Variants in IRAK2 observed in about 807,000 individuals in gnomAD.
IRAK2 encodes the protein interleukin 1 receptor associated kinase 2, also known as interleukin-1 receptor-associated kinase-like 2.
In IRAK2, 57 loss-of-function variants were observed where a neutral mutation model predicts 72.0. That is an observed-to-expected ratio of 0.79 (90% CI 0.64 to 0.99). The LOEUF (loss-of-function observed/expected upper bound fraction) is 0.99. Ranked by LOEUF, IRAK2 falls within the 50% of genes least tolerant of loss-of-function variation. The pLI, the probability that IRAK2 is intolerant of heterozygous loss-of-function variation, is 0.00. For synonymous variants in IRAK2, 293 were observed against 312.7 expected (o/e 0.94, Z 0.67); for missense variants, 790 against 794.4 (o/e 0.99, Z 0.07).
chr3:10,232,475 T>G (rs892483234), intron 10 of IRAK2, among the ~76,000 whole-genome samples: 3 of 152,118 alleles, frequency 2.0e-5, no homozygotes, highest in Non-Finnish European at 4.4e-5. Context: ...TGTGTTAAGG[T>G]TTTAGTGCTA....
chr3:10,220,185 C>A (rs1697666731), intron 8 of IRAK2, among the ~76,000 whole-genome samples: 1 of 152,202 alleles, frequency 6.6e-6, no homozygotes. Context: ...TTTTCTGAGA[C>A]CTGTCCCCTT....
At chr3:10,187,705 T>C (rs962837064) in intron 2 of IRAK2, among the ~76,000 whole-genome samples, 3 of 152,248 alleles carry the variant, frequency 2.0e-5, no homozygotes, top group African/African-American at 7.2e-5. Context: ...ATTTAGGCTA[T>C]TGTTTCCCAT....
chr3:10,212,827 C>G (rs559459597), intron 4 of IRAK2, among the ~76,000 whole-genome samples: 2 of 147,362 alleles, frequency 1.4e-5, no homozygotes, highest in Non-Finnish European at 3.0e-5. Context: ...TGCAGTGGCG[C>G]GATCTCGGCT....
chr3:10,167,496 G>C (rs547140715), intron 1 of IRAK2, among the ~76,000 whole-genome samples: 4 of 151,506 alleles, frequency 2.6e-5, no homozygotes, highest in Non-Finnish European at 4.4e-5. Flanking sequence ...CTCACTGCAA[G>C]CTCCACCTCC....
At chr3:10,205,202 A>G (rs151146530) in intron 3 of IRAK2, among the ~76,000 whole-genome samples, 130 of 152,230 alleles carry the variant, frequency 8.5e-4, no homozygotes, top group African/African-American at 3.0e-3. Flanking sequence ...GCCCTTGGAC[A>G]TACAGTGGGG....
rs754448443 is a variant in IRAK2 at position 10,234,623 on chromosome 3, C to A, written c.1437C>A (p.Cys479Ter). 6.2e-7 allele frequency: 1 copy of A among 1,613,324 alleles called. No individual in the cohort carries two copies. The highest frequency in any genetic ancestry group is 1.1e-5 in the South Asian group (1 of 91,074). The change falls in exon 11 of 13, where the codon TGC becomes TGA. Residue 479 changes from cysteine (C) to a stop codon, truncating the protein, a stop_gained. Transcript: ENST00000256458. LOFTEE classifies it high-confidence loss of function. The part of the protein sequence containing the change: ...DCAEALATAA[C>*]LCLRRRNTSL... Reference sequence around the variant, plus strand: ...CCGAGGCCCTGGCCACGGCTGCCTGCCTGTGCCTGCGGAGGCGTAACACCA... The same window carrying A: ...CCGAGGCCCTGGCCACGGCTGCCTGACTGTGCCTGCGGAGGCGTAACACCA...
intron 2 of IRAK2, among the ~76,000 whole-genome samples, chr3:10,195,583 A>C (rs966044443): frequency 6.6e-6 from 1 of 151,734 alleles, no homozygotes; most frequent in African/African-American, 2.4e-5. Context: ...ACTGAAGTTA[A>C]GTAAGGCTGT....
At chr3:10,240,694 G>C (rs1233449070) in intron 12 of IRAK2, among the ~76,000 whole-genome samples, 1 of 150,368 alleles carries the variant, frequency 6.7e-6, no homozygotes, top group African/African-American at 2.5e-5. Flanking sequence ...CGAGTAGCTG[G>C]GATTACAGGC....
intron 12 of IRAK2, 100 bp from the exon 13 acceptor site, chr3:10,242,016 T>A: frequency 1.4e-5 from 9 of 635,336 alleles, no homozygotes; most frequent in Non-Finnish European, 2.2e-5. Context: ...CTCATTACAC[T>A]CAGGGCCTGA....
At chr3:10,206,202 T>A (rs1324033592) in intron 3 of IRAK2, among the ~76,000 whole-genome samples, 3 of 152,172 alleles carry the variant, frequency 2.0e-5, no homozygotes, top group Non-Finnish European at 4.4e-5. Context: ...AGGCAGACTC[T>A]CCAGGGTGTC....
Position 10,239,025 on chromosome 3 carries a change from A to G in IRAK2, c.1751A>G (p.Glu584Gly). 1.9e-6 allele frequency: 3 copies of G among 1,603,346 alleles called. No individual in the cohort carries two copies. The highest frequency in any genetic ancestry group is 2.6e-6 in the Non-Finnish European group (3 of 1,174,280). The change falls in exon 12 of 13, where the codon GAG becomes GGG. Residue 584 changes from glutamate to glycine, a missense_variant. Glu to Gly is a moderately conservative substitution (Grantham distance 98). Transcript: ENST00000256458. ...DSSSEACVGL[E>G]PPQDVTETSW... ...TCCTCTGAGGCCTGTGTTGGCCTGG[A>G]GCCTCCCCAGGATGGTAAGCCGGAA...
At chr3:10,231,998 G>A (rs866919270) in intron 10 of IRAK2, among the ~76,000 whole-genome samples, 6 of 152,208 alleles carry the variant, frequency 3.9e-5, no homozygotes, top group Admixed American at 2.0e-4. Context: ...ATGGTGGCGG[G>A]TGCCTGTAGT....
chr3:10,221,664 C>T (rs1697695670), intron 8 of IRAK2, among the ~76,000 whole-genome samples: 1 of 151,778 alleles, frequency 6.6e-6, no homozygotes, highest in African/African-American at 2.4e-5. Flanking sequence ...GTAGCTGGGA[C>T]CACAGGCACG....
chr3:10,190,462 T>C (rs1697158520), intron 2 of IRAK2, among the ~76,000 whole-genome samples: 1 of 151,658 alleles, frequency 6.6e-6, no homozygotes, highest in Non-Finnish European at 1.5e-5. Context: ...TTTCTTAAAG[T>C]TAATTGCTGA....
In IRAK2 at chr3:10,241,938, A is replaced by G. The variant is rs534855493; in HGVS notation, c.1766-178A>G. The stretch of plus-strand genomic sequence containing the variant: ...CCTTGAGCTGAAATTGTGCCACTGC[A>G]CTCCAGCCTGGGCAACAAAGTGAGA... On this transcript the variant is annotated intron_variant, in intron 12 of 12. Transcript: ENST00000256458. 8.1e-5 allele frequency among the ~76,000 whole-genome samples: 12 copies of G among 148,850 alleles called. 1 individual carries two copies. The South Asian group carries it at 1.9e-3, about 24-fold the overall frequency.
At chr3:10,202,735 AG>A (rs1427035413) in intron 3 of IRAK2, among the ~76,000 whole-genome samples, 3 of 117,624 alleles carry the variant, frequency 2.6e-5, no homozygotes, top group African/African-American at 1.0e-4. Flanking sequence ...TCTGTTGCCC[AG>A]GCTAGGTGAC....
At chr3:10,212,607 A>G (rs1195888340) in intron 4 of IRAK2, among the ~76,000 whole-genome samples, 1 of 152,120 alleles carries the variant, frequency 6.6e-6, no homozygotes, top group Non-Finnish European at 1.5e-5. Context: ...AGGAATACTC[A>G]CATCTTAGTC....
At chr3:10,233,597 T>C (rs1399568932) in intron 10 of IRAK2, among the ~76,000 whole-genome samples, 1 of 152,192 alleles carries the variant, frequency 6.6e-6, no homozygotes, top group Non-Finnish European at 1.5e-5. Context: ...AATATTTTCT[T>C]TATAGTGGCT....
chr3:10,206,991 TTAC>T (rs1697443592), intron 3 of IRAK2, among the ~76,000 whole-genome samples: 1 of 152,080 alleles, frequency 6.6e-6, no homozygotes, highest in Non-Finnish European at 1.5e-5. Context: ...GTAGCTGGGA[TTAC>T]AGGCACTCGC....
Sources: gnomAD v4.1 joint callset for allele counts (sites outside exome capture counted in the v4.1 genomes callset) on GRCh38, gnomAD v4.1.1 for gene constraint, MANE v1.5 for transcripts, NCBI Gene and HGNC (gene_info 2026-07-23, HGNC 2026-07-21) for gene names.